PKHD1L1: variants seen among roughly 807,000 people sequenced by gnomAD.
The protein encoded by PKHD1L1 is PKHD1 like 1, also known as fibrocystin-L.
In PKHD1L1, 434 loss-of-function variants were observed where a neutral mutation model predicts 462.9. That is an observed-to-expected ratio of 0.94 (90% CI 0.87 to 1.02). The LOEUF (loss-of-function observed/expected upper bound fraction) is 1.02. Among genes scored for constraint, PKHD1L1 ranks in the 50% least tolerant of loss-of-function variants. The pLI, the probability that PKHD1L1 is intolerant of heterozygous loss-of-function variation, is 0.00. For missense variants in PKHD1L1, 5,202 were observed against 5,096.1 expected (o/e 1.02, Z -0.63); for synonymous variants, 1,781 against 1,750.0 (o/e 1.02, Z -0.44).
At chr8:109,438,771 T>A (rs1344016864) in intron 31 of PKHD1L1, 126 bp from the exon 32 acceptor site, 1 of 819,802 alleles carries the variant, frequency 1.2e-6, no homozygotes, top group Admixed American at 3.2e-5. Flanking sequence ...CTTTTGCCTC[T>A]CAAAGTGTTA....
chr8:109,398,392 G>A, intron 11 of PKHD1L1, 67 bp from the exon 12 acceptor site: 1 of 1,006,672 alleles, frequency 9.9e-7, no homozygotes, highest in Non-Finnish European at 1.5e-6. Flanking sequence ...AGTGCTTAAA[G>A]ATACACTGAT....
intron 48 of PKHD1L1, 105 bp downstream of exon 48, chr8:109,462,013 G>A (rs1586564289): frequency 1.5e-6 from 2 of 1,321,822 alleles, no homozygotes; most frequent in East Asian, 5.2e-5. Context: ...TAATCTGGTA[G>A]GGGAGACAGA....
chr8:109,441,387 C>A lies in PKHD1L1; in HGVS notation c.4204+8C>A. 6.9e-7 allele frequency: 1 copy of A among 1,439,756 alleles called. No homozygotes were observed. The highest frequency in any genetic ancestry group is 9.6e-7 in the Non-Finnish European group (1 of 1,040,074). 89.2% of individuals were successfully genotyped at this position (1,439,756 alleles called of 1,614,324 possible). A position where few individuals can be genotyped will look rare whatever the true frequency, so the allele number is the denominator to read the frequency against. On this transcript the variant is annotated splice_region_variant and intron_variant, in intron 34 of 77. Coordinates refer to ENST00000378402, the MANE Select transcript of PKHD1L1 (RefSeq NM_177531.6). ...ACAATGGGAAAGATTCAGGTATCAG[C>A]CATTTATATACTATGAAATAATGGA...
chr8:109,428,145 C>G (rs902497413), intron 25 of PKHD1L1, among the ~76,000 whole-genome samples: 1 of 150,446 alleles, frequency 6.6e-6, no homozygotes, highest in Non-Finnish European at 1.5e-5. Context: ...GGGAAGATAA[C>G]TTAGTAGTAT....
rs144643144 is a variant in PKHD1L1, at chr8:109,456,227, T to G, written c.6875-35T>G. ...AGTTCTCAATAACAAATCAAACACATGTAAGGAAATACTCAGTGTGTATGT... is the reference window on the plus strand; with the variant it reads ...AGTTCTCAATAACAAATCAAACACAGGTAAGGAAATACTCAGTGTGTATGT... On this transcript the variant is annotated intron_variant, in intron 45 of 77. Coordinates refer to ENST00000378402, the MANE Select transcript of PKHD1L1 (RefSeq NM_177531.6). The G allele has an allele frequency of 3.0e-4, 475 of 1,571,054 alleles. 4 individuals are homozygous for G. The African/African-American group carries it at 5.9e-3, about 20-fold the overall frequency.
chr8:109,466,552 A>C lies in PKHD1L1; in HGVS notation c.8414-26A>C, dbSNP rs187813326. On this transcript the variant is annotated intron_variant, in intron 49 of 77. Transcript: ENST00000378402. ...TATGTTTCTTAATGTGAAATAAAAAACATATTTTGTTTGTTTGTTTCCCAG... is the reference window on the plus strand; with the variant it reads ...TATGTTTCTTAATGTGAAATAAAAACCATATTTTGTTTGTTTGTTTCCCAG... 4.7e-5 allele frequency: 73 copies of C among 1,538,872 alleles called. No homozygotes were observed. In the African/African-American group the frequency reaches 9.4e-4, roughly 20 times the overall value.
chr8:109,470,806 G>A, intron 50 of PKHD1L1: 2 of 1,517,980 alleles, frequency 1.3e-6, no homozygotes, highest in Non-Finnish European at 1.8e-6. Context: ...AAGGAAGGAT[G>A]AACAAGTTGA....
chr8:109,476,208 T>C (rs1001670375), intron 51 of PKHD1L1, among the ~76,000 whole-genome samples: 1 of 151,402 alleles, frequency 6.6e-6, no homozygotes, highest in East Asian at 1.9e-4. Flanking sequence ...TATATGTGTG[T>C]GTATGCATAT....
chr8:109,464,937 CG>C lies in PKHD1L1; in HGVS notation c.8107del (p.Val2703Ter). On this transcript the variant is annotated frameshift_variant, in exon 49 of 78. Coordinates refer to ENST00000378402, the MANE Select transcript of PKHD1L1 (RefSeq NM_177531.6). LOFTEE classifies it high-confidence loss of function. ...YVGGWGETNGAVIKNAKIVGH... is the reference protein window; with the variant it reads ...YVGGWGETNGXVIKNAKIVGH... Reference sequence around the variant, plus strand: ...GGAGGGTGGGGTGAAACCAATGGAGCGGTGATTAAAAATGCCAAAATAGTCG... The same window carrying C: ...GGAGGGTGGGGTGAAACCAATGGAGCGTGATTAAAAATGCCAAAATAGTCG... 6.2e-7 allele frequency: 1 copy of C among 1,613,694 alleles called. No individual in the cohort carries two copies. The highest frequency in any genetic ancestry group is 8.5e-7 in the Non-Finnish European group (1 of 1,179,758).
chr8:109,484,499 G>A (rs1355629487), intron 57 of PKHD1L1, among the ~76,000 whole-genome samples: 1 of 151,942 alleles, frequency 6.6e-6, no homozygotes, highest in Non-Finnish European at 1.5e-5. Flanking sequence ...CCATGGCAAA[G>A]AGTAGCAGAT....
Position 109,449,377 on chromosome 8 carries a change from C to T in PKHD1L1, c.6065C>T (p.Thr2022Ile), listed in dbSNP as rs780741007. Reference protein sequence around the residue: ...GGGQTMTVTGTGFNPQNSIIL... With the variant: ...GGGQTMTVTGIGFNPQNSIIL... ...GGTCAAACCATGACTGTGACAGGCACCGGATTTAATCCACAAAATTCAATT... is the reference window on the plus strand; with the variant it reads ...GGTCAAACCATGACTGTGACAGGCATCGGATTTAATCCACAAAATTCAATT... The change falls in exon 40 of 78, where the codon ACC becomes ATC. Residue 2022 changes from threonine (T) to isoleucine (I), a missense_variant. By Grantham distance (89) the Thr-to-Ile change is moderately conservative. Around this residue, in one of 3 missense-constraint regions of PKHD1L1, gnomAD observed 4,497 missense variants for 4,336.8 expected, o/e 1.04. Transcript: ENST00000378402. The T allele has an allele frequency of 1.3e-6, 2 of 1,582,646 alleles. No individual in the cohort carries two copies. The highest frequency in any genetic ancestry group is 1.2e-5 in the South Asian group (1 of 86,468).
intron 23 of PKHD1L1, among the ~76,000 whole-genome samples, chr8:109,423,008 A>G (rs1469492293): frequency 2.0e-5 from 3 of 152,122 alleles, no homozygotes; most frequent in Admixed American, 6.5e-5. Context: ...TGCCACCTAC[A>G]TATCTTCTAC....
intron 46 of PKHD1L1, among the ~76,000 whole-genome samples, chr8:109,458,607 A>T (rs1401241440): frequency 6.6e-6 from 1 of 152,118 alleles, no homozygotes; most frequent in African/African-American, 2.4e-5. Context: ...ATGCAGAAGT[A>T]GGGTTGGGAA....
chr8:109,464,406 C>T lies in PKHD1L1; in HGVS notation c.7574C>T (p.Ala2525Val). ...RNIIYDIKGG[A>V]FFIEDGIEHG... ...ATTATATATGATATTAAGGGAGGAGCATTTTTTATAGAAGATGGTATTGAA... is the reference window on the plus strand; with the variant it reads ...ATTATATATGATATTAAGGGAGGAGTATTTTTTATAGAAGATGGTATTGAA... The change falls in exon 49 of 78, where the codon GCA (alanine) becomes GTA (valine). Residue 2525 changes from alanine (A) to valine (V), a missense_variant. Transcript: ENST00000378402. The T allele has an allele frequency of 6.2e-7, 1 of 1,613,382 alleles. No homozygotes were observed.
rs1818202838 is a variant in PKHD1L1, at chr8:109,480,130, A to G, written c.9318A>G (p.Ile3106Met). Reference protein sequence around the residue: ...YREVVLNATYISLQGGRLIGG... With the variant: ...YREVVLNATYMSLQGGRLIGG... ...AAGTTGTTTTGAATGCTACCTACAT[A>G]TCACTGCAGGTAAGAGTGAGGGCCT... The change falls in exon 55 of 78, where the codon ATA (isoleucine) becomes ATG (methionine). Residue 3106 changes from isoleucine to methionine, a missense_variant. This residue lies in a region of PKHD1L1 where 4,497 missense variants were observed against 4,336.8 expected (regional missense o/e 1.04). Coordinates refer to ENST00000378402, the MANE Select transcript of PKHD1L1 (RefSeq NM_177531.6). The G allele has an allele frequency of 1.3e-6, 2 of 1,566,880 alleles. No homozygotes were observed. Among genetic ancestry groups the G allele is most frequent in the Middle Eastern group, 1.7e-4 (1 of 6,006 alleles).
At position 109,522,205 on chromosome 8, in the gene PKHD1L1, A is replaced by G. The variant is rs778967678; in HGVS notation, c.12051A>G (p.Glu4017=). Reference sequence around the variant, plus strand: ...CCATAGGTCAGATGCAGTTATCTGAACTCCAGGAAATTGCTGGTTCTCTTG... The same window carrying G: ...CCATAGGTCAGATGCAGTTATCTGAGCTCCAGGAAATTGCTGGTTCTCTTG... The part of the protein sequence containing the change: ...NGTTGQMQLS[E]LQEIAGSLGQ... Residue 4017 remains glutamate, a synonymous_variant, in exon 74 of 78, where the codon GAA becomes GAG. Transcript: ENST00000378402. 1 of 1,602,940 alleles carries G rather than the reference A, an allele frequency of 6.2e-7. No individual in the cohort carries two copies. Among genetic ancestry groups the G allele is most frequent in the Admixed American group, 1.7e-5 (1 of 59,516 alleles).
chr8:109,489,870 G>T, intron 59 of PKHD1L1, 82 bp from the exon 60 acceptor site: 1 of 845,256 alleles, frequency 1.2e-6, no homozygotes, highest in South Asian at 1.6e-5. Flanking sequence ...TGAAAAATTT[G>T]AACAACTTTG....
intron 74 of PKHD1L1, 145 bp from the exon 75 acceptor site, chr8:109,522,599 G>A (rs761470620): frequency 9.4e-6 from 9 of 960,234 alleles, no homozygotes; most frequent in Non-Finnish European, 1.3e-5. Flanking sequence ...TGTAATGGAG[G>A]AAATATTGTA....
rs557638364 is a variant in PKHD1L1, at chr8:109,429,400, G to A, written c.3061G>A (p.Gly1021Ser). Residue 1021 changes from glycine (G) to serine (S), a missense_variant, in exon 26 of 78, where the codon GGT becomes AGT. Physicochemically the swap from Gly to Ser is moderately conservative, Grantham distance 56 (BLOSUM62 0). Transcript: ENST00000378402. ...ANMTVTRIKE[G>S]GLFRQHVLGD... Reference sequence around the variant, plus strand: ...TATGACAGTTACAAGGATAAAGGAAGGTGGCTTATTCAGACAACATGTACT... The same window carrying A: ...TATGACAGTTACAAGGATAAAGGAAAGTGGCTTATTCAGACAACATGTACT... The A allele has an allele frequency of 3.5e-5, 56 of 1,594,388 alleles. No homozygotes were observed. In the East Asian group the frequency reaches 1.2e-3, roughly 35 times the overall value.
Sources: allele counts gnomAD v4.1 joint callset (sites outside exome capture counted in the v4.1 genomes callset), GRCh38; gene constraint gnomAD v4.1.1; regional missense constraint gnomAD v4.1.1; transcripts MANE v1.5; gene names NCBI Gene and HGNC (gene_info 2026-07-23, HGNC 2026-07-21).